USP40: variants seen among roughly 807,000 people sequenced by gnomAD.
USP40 encodes ubiquitin specific peptidase 40.
Under a neutral mutation model 166.2 loss-of-function variants are expected in USP40, and 143 were observed. That is an observed-to-expected ratio of 0.86 (90% confidence interval 0.75 to 0.99). The LOEUF (loss-of-function observed/expected upper bound fraction) is 0.99. USP40 is among the 50% of genes least tolerant of loss of function. The pLI is 0.00. For missense variants in USP40, 1,444 were observed against 1,479.7 expected (o/e 0.98, Z 0.40); for synonymous variants, 498 against 524.0 (o/e 0.95, Z 0.68).
In USP40 at chr2:233,485,841, G is replaced by A. The variant is rs1048603; in HGVS notation, c.3334C>T (p.Arg1112Cys). Reference sequence around the variant, plus strand: ...ATTTCAATCTTCTCCACGGGAAGACGATAGAAATCGGCAACTCTCTGCCTC... The same window carrying A: ...ATTTCAATCTTCTCCACGGGAAGACAATAGAAATCGGCAACTCTCTGCCTC... ...SLRQRVADFY[R>C]LPVEKIEIAK... The change falls in exon 29 of 32, where the codon CGT (arginine) becomes TGT (cysteine). Residue 1112 changes from arginine to cysteine, a missense_variant. Transcript: ENST00000678225. The A allele has an allele frequency of 0.33, 523,199 of 1,609,624 alleles. 91,446 individuals are homozygous for A. The highest frequency in any genetic ancestry group is 0.69 in the African/African-American group (51,557 of 74,728).
intron 21 of USP40, among the ~76,000 whole-genome samples, chr2:233,502,283 T>C (rs113746349): frequency 0.01 from 1,552 of 152,098 alleles, 26 homozygotes; most frequent in African/African-American, 0.035. Context: ...CTGCAGAAAA[T>C]AGTAAAATGA....
chr2:233,484,605 C>T (rs1425982789), intron 30 of USP40, among the ~76,000 whole-genome samples: 1 of 151,990 alleles, frequency 6.6e-6, no homozygotes, highest in Non-Finnish European at 1.5e-5. Context: ...CCTCAGCCTC[C>T]TGAGTAGCTG....
intron 16 of USP40, among the ~76,000 whole-genome samples, chr2:233,521,475 G>C (rs1283015172): frequency 2.0e-5 from 3 of 152,108 alleles, no homozygotes; most frequent in Non-Finnish European, 2.9e-5. Flanking sequence ...TAACAACAGG[G>C]CAGCCATGTG....
intron 2 of USP40, 72 bp downstream of exon 2, chr2:233,565,284 G>A: frequency 7.7e-6 from 9 of 1,166,000 alleles, no homozygotes; most frequent in Non-Finnish European, 1.1e-5. Context: ...GTCTATTTGT[G>A]ATTTTGCATA....
intron 30 of USP40, among the ~76,000 whole-genome samples, chr2:233,482,586 TTTTTTTTTG>T (rs997121814): frequency 3.4e-5 from 5 of 146,562 alleles, no homozygotes; most frequent in African/African-American, 1.4e-4. Context: ...ACTGGAGTTT[TTTTTTTTTG>T]TTTTTTTTTT....
chr2:233,558,794 G>T (rs182746755), intron 4 of USP40, among the ~76,000 whole-genome samples: 61 of 151,840 alleles, frequency 4.0e-4, no homozygotes, highest in Non-Finnish European at 7.1e-4. Context: ...TGTTTTTTTT[G>T]TTTGTTTGTT....
intron 4 of USP40, among the ~76,000 whole-genome samples, chr2:233,558,663 A>C (rs2071311904): frequency 6.6e-6 from 1 of 152,156 alleles, no homozygotes; most frequent in Non-Finnish European, 1.5e-5. Flanking sequence ...GGGTGGTAAA[A>C]ATTTTCTAAA....
At chr2:233,530,205 G>GACACACACACACACACACACAC (rs71058561) in intron 11 of USP40, among the ~76,000 whole-genome samples, 15 of 149,266 alleles carry the variant, frequency 1.0e-4, no homozygotes, top group African/African-American at 3.5e-4. Context: ...TCACTCCCAA[G>GACACACACACACACACACACAC]ACACACACAC....
chr2:233,502,189 T>C (rs1161543017), intron 21 of USP40, among the ~76,000 whole-genome samples: 1 of 152,096 alleles, frequency 6.6e-6, no homozygotes, highest in Non-Finnish European at 1.5e-5. Context: ...GGAAGATACA[T>C]CACTTTTGAA....
At chr2:233,542,218 TAC>T (rs1484266411) in intron 9 of USP40, 48 bp downstream of exon 9, 1 of 1,109,498 alleles carries the variant, frequency 9.0e-7, no homozygotes, top group African/African-American at 1.6e-5. Context: ...CATGCACACA[TAC>T]ACACAATACA....
intron 13 of USP40, among the ~76,000 whole-genome samples, chr2:233,526,950 G>A (rs2125242826): frequency 6.6e-6 from 1 of 152,268 alleles, no homozygotes; most frequent in South Asian, 2.1e-4. Context: ...CTACAGCACT[G>A]TTTTTACTCT....
Position 233,549,209 on chromosome 2 carries a change from T to A in USP40, c.858A>T (p.Glu286Asp). ...TAACTGAGAAGAGGTCATATATATA[T>A]TCTAAGTCATCCAATTCACTCTAAA... Reference protein sequence around the residue: ...FCEQSELDDLEYIYDLFSVII... With the variant: ...FCEQSELDDLDYIYDLFSVII... Residue 286 changes from glutamate to aspartate, a missense_variant, in exon 8 of 32, where the codon GAA (glutamate) becomes GAT (aspartate). Coordinates refer to ENST00000678225, the MANE Select transcript of USP40 (RefSeq NM_001365479.2). 2.0e-6 allele frequency: 3 copies of A among 1,470,850 alleles called. No homozygotes were observed. Among genetic ancestry groups the A allele is most frequent in the Non-Finnish European group, 1.9e-6 (2 of 1,072,306 alleles). 91.1% of individuals were successfully genotyped at this position (1,470,850 alleles called of 1,614,324 possible).
chr2:233,519,555 T>C (rs1186979629), intron 18 of USP40, 59 bp downstream of exon 18: 1 of 1,177,308 alleles, frequency 8.5e-7, no homozygotes, highest in South Asian at 1.4e-5. Flanking sequence ...TATATTTTCT[T>C]CAATTCAAGA....
chr2:233,554,558 C>T, intron 5 of USP40, 32 bp from the exon 6 acceptor site: 1 of 1,556,584 alleles, frequency 6.4e-7, no homozygotes, highest in Non-Finnish European at 8.7e-7. Flanking sequence ...TATTGAAAAA[C>T]AATTTCAGAG....
chr2:233,486,096 T>A lies in USP40; in HGVS notation c.3198-119A>T. On this transcript the variant is annotated intron_variant, in intron 28 of 31. Transcript: ENST00000678225. This position sits in a 1 kb window ranked among gnomAD's most constrained non-coding sequence, Gnocchi z 4.0. ...TTTCTGGTTTTTATAAGGAGAGATT[T>A]TTCCCTAAATGCTGGATGCTAGTGG... The A allele has an allele frequency of 9.0e-7, 1 of 1,114,884 alleles. No individual in the cohort carries two copies. Among genetic ancestry groups the A allele is most frequent in the Non-Finnish European group, 1.3e-6 (1 of 795,538 alleles). 69.1% of individuals were successfully genotyped at this position (1,114,884 alleles called of 1,614,324 possible).
chr2:233,532,937 A>C, intron 11 of USP40, among the ~76,000 whole-genome samples: 1 of 152,200 alleles, frequency 6.6e-6, no homozygotes. Context: ...TCTAAAAATA[A>C]ATAAATGAAT....
In USP40 at chr2:233,561,255, G is replaced by A. The variant is rs183983803; in HGVS notation, c.268-1331C>T. ...ATGGAACCAAAAAAGAGCCCGCATC[G>A]CCAAGTCAATCCTAAGCCAAAAGAA... On this transcript the variant is annotated intron_variant, in intron 3 of 31. Transcript: ENST00000678225. 1.2e-3 allele frequency: 1,784 copies of A among 1,499,040 alleles called. 7 individuals carry two copies. In the African/African-American group the frequency reaches 0.022, roughly 19 times the overall value. The allele number at this position is 1,499,040 out of a possible 1,614,324, so 92.9% of individuals were successfully genotyped here. A position where few individuals can be genotyped will look rare whatever the true frequency, so the allele number is the denominator to read the frequency against.
chr2:233,479,060 C>T (rs1456623582), intron 31 of USP40, among the ~76,000 whole-genome samples: 1 of 152,212 alleles, frequency 6.6e-6, no homozygotes, highest in African/African-American at 2.4e-5. Context: ...TACTGTTGTG[C>T]AAACAGCACG....
intron 7 of USP40, 79 bp from the exon 8 acceptor site, chr2:233,549,308 C>A: frequency 1.1e-6 from 1 of 874,552 alleles, no homozygotes; most frequent in Non-Finnish European, 1.6e-6. Flanking sequence ...ATAATTTCAA[C>A]TACTGAAATT....
Sources: allele counts gnomAD v4.1 joint callset (sites outside exome capture counted in the v4.1 genomes callset), GRCh38; gene constraint gnomAD v4.1.1; non-coding constraint Gnocchi (gnomAD v3.1); transcripts MANE v1.5; gene names NCBI Gene and HGNC (gene_info 2026-07-23, HGNC 2026-07-21).